The following TMEM272 variants were observed in gnomAD, a reference collection of about 807,000 sequenced individuals.
The protein encoded by TMEM272 is long intergenic non-protein coding RNA 282.
TMEM272 carries 8 observed loss-of-function variants against 3.7 expected under a neutral mutation model. That is an observed-to-expected ratio of 2.17 (90% CI 1.27 to 3.91). TMEM272 has a LOEUF of 3.91. TMEM272 is among the 30% of genes most tolerant of loss of function. The pLI is 0.00. For synonymous variants in TMEM272, 63 were observed against 39.8 expected, an observed-to-expected ratio of 1.58 and a Z score of -2.20; for missense variants, 166 against 91.5, an observed-to-expected ratio of 1.81 and a Z score of -3.32.
chr13:51,888,633 C>CTTTTTTTTTTTTTTTTTTTTTT, the TMEM272 span, among the ~76,000 whole-genome samples: 1 of 120,114 alleles, frequency 8.3e-6, no homozygotes, highest in Non-Finnish European at 1.7e-5. Flanking sequence ...TTTCTTTTTT[C>CTTTTTTTTTTTTTTTTTTTTTT]TTTTTCTTTT....
chr13:51,857,755 C>T, the TMEM272 span, among the ~76,000 whole-genome samples: 1 of 151,766 alleles, frequency 6.6e-6, no homozygotes, highest in Non-Finnish European at 1.5e-5. Context: ...AAAATAGATT[C>T]AAATCTAATA....
At chr13:51,911,500 T>C in the TMEM272 span, among the ~76,000 whole-genome samples, 1 of 152,354 alleles carries the variant, frequency 6.6e-6, no homozygotes, top group South Asian at 2.1e-4. Context: ...GATGATGCCC[T>C]GCCCTGCAAT....
At chr13:51,909,339 C>T in the TMEM272 span, 7 of 879,360 alleles carry the variant, frequency 8.0e-6, no homozygotes, top group South Asian at 4.0e-5. Context: ...TCGCTTTCTG[C>T]AGGTCTCCAG....
At chr13:51,821,668 CAAAAAAAAA>C (rs386379191) in intron 4 of TMEM272, among the ~76,000 whole-genome samples, 1 of 28,534 alleles carries the variant, frequency 3.5e-5, no homozygotes, top group South Asian at 1.5e-3. Context: ...TTTTTTTCCT[CAAAAAAAAA>C]AAAAAAAAAA....
chr13:51,839,264 T>C (rs1956241344), intron 1 of TMEM272, among the ~76,000 whole-genome samples: 1 of 152,124 alleles, frequency 6.6e-6, no homozygotes, highest in Non-Finnish European at 1.5e-5. Context: ...CATATACATT[T>C]TAAATCCACA....
the TMEM272 span, chr13:51,865,931 T>G: frequency 6.2e-7 from 1 of 1,613,992 alleles, no homozygotes; most frequent in Non-Finnish European, 8.5e-7. Flanking sequence ...AACGTCCCTC[T>G]GGGAGGAAGA....
intron 2 of TMEM272, among the ~76,000 whole-genome samples, chr13:51,827,830 A>G (rs1227895628): frequency 6.6e-6 from 1 of 152,134 alleles, no homozygotes; most frequent in Non-Finnish European, 1.5e-5. Flanking sequence ...CCCTCAATTA[A>G]CCAGCAGAGC....
the TMEM272 span, chr13:51,932,974 G>C: frequency 0.55 from 83,833 of 151,832 alleles, 23,302 homozygotes; most frequent in Middle Eastern, 0.63. Flanking sequence ...GGGCTGGAGT[G>C]GGGGGGCTGA....
chr13:51,872,004 C>T, the TMEM272 span, among the ~76,000 whole-genome samples: 7 of 152,110 alleles, frequency 4.6e-5, no homozygotes, highest in East Asian at 9.6e-4. Context: ...TCTGGGGACT[C>T]GCCCATGCAC....
At chr13:51,889,204 AT>A in the TMEM272 span, among the ~76,000 whole-genome samples, 1 of 152,186 alleles carries the variant, frequency 6.6e-6, no homozygotes, top group Non-Finnish European at 1.5e-5. Flanking sequence ...TTTAATAGAT[AT>A]TGCCAAATTG....
intron 4 of TMEM272, among the ~76,000 whole-genome samples, chr13:51,820,391 G>A (rs144675666): frequency 6.6e-5 from 10 of 152,258 alleles, no homozygotes; most frequent in Admixed American, 2.6e-4. Flanking sequence ...CCTGTTTGCC[G>A]CTGCTCTAAT....
At chr13:51,825,149 T>A (rs1956113112) in intron 3 of TMEM272, among the ~76,000 whole-genome samples, 1 of 152,216 alleles carries the variant, frequency 6.6e-6, no homozygotes, top group Non-Finnish European at 1.5e-5. Flanking sequence ...ACTGTAATAA[T>A]CACAGCACCA....
chr13:51,817,038 C>T lies in TMEM272; in HGVS notation c.277G>A (p.Asp93Asn), dbSNP rs552227909. The change falls in exon 5 of 5, where the codon GAT becomes AAT. Residue 93 changes from aspartate (D) to asparagine (N), a missense_variant. By Grantham distance (23) the Asp-to-Asn change is conservative (BLOSUM62 1). Coordinates refer to ENST00000629372, the MANE Select transcript of TMEM272 (RefSeq NM_001351003.2). The stretch of plus-strand genomic sequence containing the variant: ...TTCTGCCTCCAGGGGTATTCGTCAT[C>T]GTCATCGTCATCAATCACCACGGCC... Reference protein sequence around the residue: ...SKAVVIDDDDDDEYPWRQNAH... With the variant: ...SKAVVIDDDDNDEYPWRQNAH... 29 of 702,986 alleles carry T rather than the reference C, an allele frequency of 4.1e-5. No homozygotes were observed. Among genetic ancestry groups the T allele is most frequent in the African/African-American group, 3.1e-4 (18 of 57,348 alleles). The allele number at this position is 702,986 out of a possible 1,614,324, so 43.5% of individuals were successfully genotyped here.
At chr13:51,908,116 C>G in the TMEM272 span, 1 of 480,508 alleles carries the variant, frequency 2.1e-6, no homozygotes. Flanking sequence ...TCTATTGTTT[C>G]AATTTGAGCA....
At chr13:51,857,374 G>A in the TMEM272 span, among the ~76,000 whole-genome samples, 3 of 152,020 alleles carry the variant, frequency 2.0e-5, no homozygotes, top group African/African-American at 2.4e-5. Context: ...AGAGATGCAG[G>A]AAGAAATGAA....
At chr13:51,874,921 G>A in the TMEM272 span, among the ~76,000 whole-genome samples, 1 of 152,194 alleles carries the variant, frequency 6.6e-6, no homozygotes, top group East Asian at 1.9e-4. Flanking sequence ...GCCTGACTGG[G>A]GTTGGATTGC....
At chr13:51,865,194 C>G in the TMEM272 span, 1 of 532,172 alleles carries the variant, frequency 1.9e-6, no homozygotes, top group Non-Finnish European at 3.2e-6. Flanking sequence ...TGTTTTTCTA[C>G]CAAAGCTTGT....
At chr13:51,884,359 C>T in the TMEM272 span, among the ~76,000 whole-genome samples, 1 of 152,186 alleles carries the variant, frequency 6.6e-6, no homozygotes, top group South Asian at 2.1e-4. Context: ...GTTTCTGTCT[C>T]CTATTCACTG....
At chr13:51,894,379 C>T in the TMEM272 span, among the ~76,000 whole-genome samples, 2 of 152,164 alleles carry the variant, frequency 1.3e-5, no homozygotes, top group Admixed American at 1.3e-4. Context: ...CAGCTTTATG[C>T]CCTCCCAGGT....
Sources: allele counts gnomAD v4.1 joint callset (sites outside exome capture counted in the v4.1 genomes callset), GRCh38; gene constraint gnomAD v4.1.1; transcripts MANE v1.5; gene names NCBI Gene and HGNC (gene_info 2026-07-23, HGNC 2026-07-21).